Variants in WDFY1 observed in about 807,000 individuals in gnomAD.
WDFY1 encodes the protein WD repeat and FYVE domain containing 1.
In WDFY1, 32 loss-of-function variants were observed where a neutral mutation model predicts 56.4. The ratio of observed to expected loss-of-function variants is 0.57; its 90% confidence interval spans 0.43 to 0.76. The LOEUF is 0.76. Ranked by LOEUF, WDFY1 falls within the 30% of genes least tolerant of loss-of-function variation. The pLI is 0.00. For synonymous variants in WDFY1, 192 were observed against 197.3 expected (o/e 0.97, Z 0.23); for missense variants, 480 against 545.7 (o/e 0.88, Z 1.20).
chr2:223,891,583 T>C (rs553261801), intron 8 of WDFY1, among the ~76,000 whole-genome samples: 1 of 152,166 alleles, frequency 6.6e-6, no homozygotes, highest in Non-Finnish European at 1.5e-5. Flanking sequence ...GGAAATGCCT[T>C]GATTGATGGG....
Position 223,945,223 on chromosome 2 carries a change from T to A in WDFY1, c.62A>T (p.Glu21Val). The A allele has an allele frequency of 6.3e-7, 1 of 1,598,106 alleles. No individual in the cohort carries two copies. Among genetic ancestry groups the A allele is most frequent in the Non-Finnish European group, 8.5e-7 (1 of 1,175,348 alleles). The stretch of plus-strand genomic sequence containing the variant: ...GGCCGTGACGGCGTCCTGGTGCCCC[T>A]CGATCTTGCTCAGCAGCACCGGGCG... ...SSRPVLLSKI[E>V]GHQDAVTAAL... The change falls in exon 1 of 12, where the codon GAG becomes GTG. Residue 21 changes from glutamate to valine, a missense_variant. Glu to Val is a moderately radical substitution (Grantham distance 121, BLOSUM62 -2). Coordinates refer to ENST00000233055, the MANE Select transcript of WDFY1 (RefSeq NM_020830.5).
Position 223,912,239 on chromosome 2 carries a change from TA to T in WDFY1, c.279+13del. On this transcript the variant is annotated intron_variant, in intron 3 of 11. Transcript: ENST00000233055. Reference sequence around the variant, plus strand: ...TATAAAGAATACAATAAATACATTCTAAAAGCTACCTACCATTACAGCTCCA... The same window carrying T: ...TATAAAGAATACAATAAATACATTCTAAAGCTACCTACCATTACAGCTCCA... 3 of 1,600,580 alleles carry T rather than the reference TA, an allele frequency of 1.9e-6. No individual in the cohort carries two copies. Among genetic ancestry groups the T allele is most frequent in the South Asian group, 1.1e-5 (1 of 87,952 alleles).
At chr2:223,882,115 C>A in intron 9 of WDFY1, 43 bp from the exon 10 acceptor site, 1 of 1,590,532 alleles carries the variant, frequency 6.3e-7, no homozygotes, top group Admixed American at 1.7e-5. Context: ...TGTTAGCTTT[C>A]GCTTTTTGTT....
At chr2:223,936,330 G>A (rs1694168585) in intron 1 of WDFY1, among the ~76,000 whole-genome samples, 1 of 151,976 alleles carries the variant, frequency 6.6e-6, no homozygotes, top group South Asian at 2.1e-4. Context: ...CCCATGTTCT[G>A]TGATTACAGG....
chr2:223,936,874 CAT>C (rs1439070039), intron 1 of WDFY1, among the ~76,000 whole-genome samples: 4 of 152,194 alleles, frequency 2.6e-5, no homozygotes, highest in South Asian at 2.1e-4. Context: ...ATATTTCACA[CAT>C]GTTGTCTTAA....
intron 2 of WDFY1, among the ~76,000 whole-genome samples, chr2:223,916,899 C>T (rs1693797420): frequency 6.6e-6 from 1 of 151,158 alleles, no homozygotes; most frequent in African/African-American, 2.4e-5. Flanking sequence ...ACCACAACCT[C>T]TGCTTCCCGG....
chr2:223,906,041 T>C (rs765655437), intron 3 of WDFY1, 40 bp from the exon 4 acceptor site: 14 of 1,456,184 alleles, frequency 9.6e-6, no homozygotes, highest in Middle Eastern at 2.0e-4. Context: ...AAAAGAGTTA[T>C]GGTTTTAAAA....
At chr2:223,917,158 GATTT>G (rs1425124521) in intron 2 of WDFY1, among the ~76,000 whole-genome samples, 5 of 152,164 alleles carry the variant, frequency 3.3e-5, no homozygotes, top group Admixed American at 6.5e-5. Context: ...TCATCGTCCA[GATTT>G]ATTTATAGAA....
At chr2:223,915,788 T>G (rs993938785) in intron 2 of WDFY1, among the ~76,000 whole-genome samples, 5 of 152,194 alleles carry the variant, frequency 3.3e-5, no homozygotes, top group African/African-American at 4.8e-5. Context: ...TTTGGGAGAC[T>G]GGGGCAGGTT....
Position 223,880,227 on chromosome 2 carries a change from G to A in WDFY1, c.1070C>T (p.Thr357Ile). ...TCCTTCATGAAAGGTCGCTAGAGAAGTCCGACTAACAAGAGAAAAGAGATC... is the reference window on the plus strand; with the variant it reads ...TCCTTCATGAAAGGTCGCTAGAGAAATCCGACTAACAAGAGAAAAGAGATC... Reference protein sequence around the residue: ...CYDSIKDEDRTSLATFHEGKH... With the variant: ...CYDSIKDEDRISLATFHEGKH... The change falls in exon 11 of 12, where the codon ACT (threonine) becomes ATT (isoleucine). Residue 357 changes from threonine (T) to isoleucine (I), a missense_variant. Transcript: ENST00000233055. 1.2e-6 allele frequency: 2 copies of A among 1,613,874 alleles called. No individual in the cohort carries two copies. The highest frequency in any genetic ancestry group is 1.1e-5 in the South Asian group (1 of 91,076).
intron 2 of WDFY1, 38 bp downstream of exon 2, chr2:223,917,905 G>A: frequency 5.0e-6 from 8 of 1,609,404 alleles, no homozygotes; most frequent in Non-Finnish European, 6.8e-6. Context: ...AAAAACATTA[G>A]AGACATTTCT....
At chr2:223,896,570 T>C (rs1693384482) in intron 6 of WDFY1, among the ~76,000 whole-genome samples, 2 of 152,252 alleles carry the variant, frequency 1.3e-5, no homozygotes, top group South Asian at 4.1e-4. Context: ...TACAGGTATA[T>C]CTTTCAGTAG....
intron 4 of WDFY1, among the ~76,000 whole-genome samples, chr2:223,903,537 A>C (rs1459525361): frequency 0.031 from 869 of 28,034 alleles, 8 homozygotes; most frequent in African/African-American, 0.11. Context: ...AACAAAACAA[A>C]ACAAAAAAAA....
chr2:223,919,123 G>A (rs1250869468), intron 1 of WDFY1, among the ~76,000 whole-genome samples: 1 of 152,210 alleles, frequency 6.6e-6, no homozygotes, highest in African/African-American at 2.4e-5. Flanking sequence ...GGATTCCACA[G>A]GTGATCGCCC....
At chr2:223,940,658 TTG>T (rs1689286287) in intron 1 of WDFY1, among the ~76,000 whole-genome samples, 1 of 151,942 alleles carries the variant, frequency 6.6e-6, no homozygotes, top group African/African-American at 2.4e-5. Context: ...TTTTTTTTTT[TTG>T]AGACAAAGTT....
At chr2:223,899,141 T>C in intron 5 of WDFY1, 71 bp from the exon 6 acceptor site, 2 of 1,200,424 alleles carry the variant, frequency 1.7e-6, no homozygotes, top group South Asian at 2.5e-5. Flanking sequence ...GATACCAGCA[T>C]TAGTCAAAGT....
chr2:223,939,642 A>G (rs936273521), intron 1 of WDFY1, among the ~76,000 whole-genome samples: 7 of 152,308 alleles, frequency 4.6e-5, no homozygotes, highest in African/African-American at 1.7e-4. Context: ...TTTCCCTTGT[A>G]AAACCATCAG....
At chr2:223,911,146 G>T (rs942260265) in intron 3 of WDFY1, among the ~76,000 whole-genome samples, 13 of 152,068 alleles carry the variant, frequency 8.5e-5, no homozygotes, top group Non-Finnish European at 1.8e-4. Flanking sequence ...GACATAAAAG[G>T]CCACACATAT....
intron 5 of WDFY1, among the ~76,000 whole-genome samples, chr2:223,899,828 G>A (rs1693473362): frequency 6.6e-6 from 1 of 152,102 alleles, no homozygotes; most frequent in Non-Finnish European, 1.5e-5. Context: ...GAAACGTAAT[G>A]GTTATTTATG....
Sources: gnomAD v4.1 joint callset for allele counts (sites outside exome capture counted in the v4.1 genomes callset) on GRCh38, gnomAD v4.1.1 for gene constraint, MANE v1.5 for transcripts, NCBI Gene and HGNC (gene_info 2026-07-23, HGNC 2026-07-21) for gene names.